Variants in PLPP1 observed in about 807,000 individuals in gnomAD.
The protein encoded by PLPP1 is phospholipid phosphatase 1, also known as lipid phosphate phosphohydrolase 1a.
A neutral mutation model predicts 31.2 loss-of-function variants in PLPP1; 24 were observed. The ratio of observed to expected loss-of-function variants is 0.77; its 90% confidence interval spans 0.56 to 1.08. The LOEUF (loss-of-function observed/expected upper bound fraction) is 1.08, where lower values mean the gene tolerates loss of function less well. Among genes scored for constraint, PLPP1 ranks in the 50% least tolerant of loss-of-function variants. PLPP1 has a pLI of 0.00. For synonymous variants in PLPP1, 146 were observed against 126.3 expected (o/e 1.16, Z -1.05); for missense variants, 319 against 342.7 (o/e 0.93, Z 0.55).
At chr5:55,467,171 A>G (rs1413744470) in intron 3 of PLPP1, among the ~76,000 whole-genome samples, 1 of 152,224 alleles carries the variant, frequency 6.6e-6, no homozygotes, top group African/African-American at 2.4e-5. Flanking sequence ...CTAAACAATA[A>G]TAATAAACTA....
At chr5:55,497,599 T>A (rs1753030412) in intron 1 of PLPP1, among the ~76,000 whole-genome samples, 1 of 151,642 alleles carries the variant, frequency 6.6e-6, no homozygotes, top group Non-Finnish European at 1.5e-5. Context: ...TACAGGAAAA[T>A]AACACAGCTG....
intron 3 of PLPP1, among the ~76,000 whole-genome samples, chr5:55,442,341 T>G (rs1751639249): frequency 6.6e-6 from 1 of 152,122 alleles, no homozygotes; most frequent in Admixed American, 6.5e-5. Context: ...TTGATTGCTT[T>G]TTTCCATCCA....
At chr5:55,526,930 T>C (rs1379001966) in intron 1 of PLPP1, among the ~76,000 whole-genome samples, 2 of 10,840 alleles carry the variant, frequency 1.8e-4, no homozygotes, top group African/African-American at 5.7e-4. Flanking sequence ...AGATTCCATC[T>C]CAAAAAAAAA....
chr5:55,468,697 G>A (rs1205030843), intron 2 of PLPP1, among the ~76,000 whole-genome samples: 4 of 152,056 alleles, frequency 2.6e-5, no homozygotes, highest in Non-Finnish European at 4.4e-5. Context: ...CAGCTACTTC[G>A]GAGGCTAAGG....
chr5:55,533,378 A>G (rs2111969392), intron 1 of PLPP1, among the ~76,000 whole-genome samples: 1 of 148,706 alleles, frequency 6.7e-6, no homozygotes, highest in African/African-American at 2.5e-5. Context: ...GAGAGACTGT[A>G]TCCAAAAAAA....
intron 4 of PLPP1, among the ~76,000 whole-genome samples, chr5:55,427,779 G>T (rs944921277): frequency 2.0e-5 from 3 of 150,382 alleles, no homozygotes; most frequent in South Asian, 4.3e-4. Flanking sequence ...CTTTTTTGGG[G>T]GGGGGGATGT....
rs1163175776 is a variant in PLPP1 at position 55,424,880 on chromosome 5, G to GTAT, written c.*323_*325dup. ...TTGGTTCTCCCATACATTTTAATATGTATTATATTTAAATCAAACATCATT... is the reference window on the plus strand; with the variant it reads ...TTGGTTCTCCCATACATTTTAATATGTATTATTATATTTAAATCAAACATCATT... On this transcript the variant is annotated 3_prime_UTR_variant, in exon 6 of 6. Coordinates refer to ENST00000307259, the MANE Select transcript of PLPP1 (RefSeq NM_003711.4). The GTAT allele has an allele frequency of 1.3e-6, 1 of 744,390 alleles. No individual in the cohort carries two copies. The highest frequency in any genetic ancestry group is 2.3e-6 in the Non-Finnish European group (1 of 440,824). 46.1% of individuals were successfully genotyped at this position (744,390 alleles called of 1,614,324 possible).
chr5:55,427,374 G>T (rs1179345953), intron 4 of PLPP1, among the ~76,000 whole-genome samples: 2 of 152,134 alleles, frequency 1.3e-5, no homozygotes, highest in African/African-American at 4.8e-5. Flanking sequence ...AAACCATCTA[G>T]TTCTAAAAGA....
chr5:55,500,672 T>C (rs554933816), intron 1 of PLPP1, among the ~76,000 whole-genome samples: 12 of 152,126 alleles, frequency 7.9e-5, no homozygotes, highest in African/African-American at 2.9e-4. Flanking sequence ...ATCTGTACTC[T>C]AACTGAGGGG....
intron 3 of PLPP1, among the ~76,000 whole-genome samples, chr5:55,465,047 GT>G (rs11292300): frequency 0.82 from 109,180 of 133,906 alleles, 44,366 homozygotes; most frequent in South Asian, 0.88. Context: ...GGCGGAGGTG[GT>G]TTTTTTTTTT....
At chr5:55,441,741 T>G (rs1751625132) in intron 4 of PLPP1, 110 bp downstream of exon 4, 3 of 1,151,884 alleles carry the variant, frequency 2.6e-6, no homozygotes, top group Admixed American at 3.6e-5. Context: ...GATCATCTGT[T>G]TCACCTTTTG....
intron 1 of PLPP1, among the ~76,000 whole-genome samples, chr5:55,496,892 T>C (rs2111868975): frequency 6.6e-6 from 1 of 152,306 alleles, no homozygotes; most frequent in East Asian, 1.9e-4. Context: ...TACAAAATAT[T>C]CCAATGGAAT....
chr5:55,449,755 A>G (rs1751854315), intron 3 of PLPP1, among the ~76,000 whole-genome samples: 1 of 152,172 alleles, frequency 6.6e-6, no homozygotes, highest in South Asian at 2.1e-4. Context: ...AATTCAGTAA[A>G]TTAACTCTGC....
At chr5:55,490,218 T>G (rs1030964090) in intron 1 of PLPP1, among the ~76,000 whole-genome samples, 1 of 149,774 alleles carries the variant, frequency 6.7e-6, no homozygotes, top group Non-Finnish European at 1.5e-5. Context: ...TGGCATGATC[T>G]TGGCTCACTG....
intron 3 of PLPP1, among the ~76,000 whole-genome samples, chr5:55,444,177 G>A (rs112428674): frequency 2.7e-5 from 4 of 148,888 alleles, no homozygotes; most frequent in African/African-American, 9.9e-5. Context: ...CGCCTCCCGG[G>A]TTCAAGCGAT....
At chr5:55,478,164 C>T (rs1425924428) in intron 1 of PLPP1, among the ~76,000 whole-genome samples, 1 of 151,966 alleles carries the variant, frequency 6.6e-6, no homozygotes, top group Admixed American at 6.6e-5. Context: ...TTTGTTCCCC[C>T]CTGACCACAA....
chr5:55,486,571 G>A (rs1752779319), intron 1 of PLPP1, among the ~76,000 whole-genome samples: 1 of 151,978 alleles, frequency 6.6e-6, no homozygotes, highest in Non-Finnish European at 1.5e-5. Context: ...GGGCAACAGA[G>A]CCAGACTCCA....
rs111553985 is a variant in PLPP1 at position 55,512,873 on chromosome 5, T to C, written c.58+21699A>G. On this transcript the variant is annotated intron_variant, in intron 1 of 5. Transcript: ENST00000307259. ...TATTAACAACACTGTATTTTAGTGG[T>C]CTTTCTTCAAACGCTTGTCAAAAAC... Among the ~76,000 whole-genome samples, 1,056 of 152,312 alleles carry C rather than the reference T, an allele frequency of 6.9e-3. 15 individuals are homozygous for C. The highest frequency in any genetic ancestry group is 0.023 in the African/African-American group (942 of 41,574).
At chr5:55,438,187 C>T (rs1357979165) in intron 4 of PLPP1, among the ~76,000 whole-genome samples, 1 of 148,102 alleles carries the variant, frequency 6.8e-6, no homozygotes, top group African/African-American at 2.4e-5. Flanking sequence ...CAGACTCATA[C>T]CATGGCTGTT....
Sources: gnomAD v4.1 joint callset for allele counts (sites outside exome capture counted in the v4.1 genomes callset) on GRCh38, gnomAD v4.1.1 for gene constraint, MANE v1.5 for transcripts, NCBI Gene and HGNC (gene_info 2026-07-23, HGNC 2026-07-21) for gene names.